Variants in LRP1B observed in about 807,000 individuals in gnomAD.
The protein encoded by LRP1B is LDL receptor related protein 1B.
In LRP1B, 217 loss-of-function variants were observed where a neutral mutation model predicts 556.6. The ratio of observed to expected loss-of-function variants is 0.39; its 90% CI spans 0.35 to 0.44. The LOEUF (loss-of-function observed/expected upper bound fraction) is 0.44. LRP1B is among the 20% of genes least tolerant of loss of function. LRP1B has a pLI of 1.00. For synonymous variants in LRP1B, 2,047 were observed against 1,865.8 expected (o/e 1.10, Z -2.50); for missense variants, 5,053 against 5,620.8 (o/e 0.90, Z 3.23).
intron 3 of LRP1B, 170 bp downstream of exon 3, chr2:141,480,226 T>C (rs958236975): frequency 5.8e-6 from 4 of 689,884 alleles, no homozygotes; most frequent in Non-Finnish European, 1.0e-5. Flanking sequence ...TCAAACATAA[T>C]ACTTGCAGCT....
intron 29 of LRP1B, among the ~76,000 whole-genome samples, chr2:140,842,398 T>C (rs529643117): frequency 5.9e-5 from 9 of 152,318 alleles, no homozygotes; most frequent in Non-Finnish European, 1.2e-4. Context: ...AAAATCCTTT[T>C]AGTATTTCTA....
intron 83 of LRP1B, 66 bp downstream of exon 83, chr2:140,314,869 C>T (rs2105035829): frequency 3.5e-6 from 4 of 1,151,930 alleles, no homozygotes; most frequent in Non-Finnish European, 4.9e-6. Flanking sequence ...TAACATTAAG[C>T]ATTTTCGATT....
At chr2:140,513,634 AATAT>A (rs371958459) in intron 51 of LRP1B, among the ~76,000 whole-genome samples, 108,091 of 151,266 alleles carry the variant, frequency 0.71, 39,144 homozygotes, top group Middle Eastern at 0.83. Flanking sequence ...TACTTTCAAG[AATAT>A]CTCCAATTTC....
In LRP1B at chr2:142,122,772, G is replaced by GA. The variant is rs1707502579; in HGVS notation, c.82+7875dup. On this transcript the variant is annotated intron_variant, in intron 1 of 90. Coordinates refer to ENST00000389484, the MANE Select transcript of LRP1B (RefSeq NM_018557.3). ...CACTGTACTTCCAGATCTTAGTCAT[G>GA]AAAAAAATGCCTTAAAAGTTAATAG... 4.0e-5 allele frequency among the ~76,000 whole-genome samples: 6 copies of GA among 151,756 alleles called. No homozygotes were observed. In the South Asian group the frequency reaches 1.2e-3, roughly 31 times the overall value.
intron 37 of LRP1B, among the ~76,000 whole-genome samples, chr2:140,711,469 T>C (rs1033275498): frequency 2.0e-5 from 3 of 152,068 alleles, no homozygotes; most frequent in Non-Finnish European, 4.4e-5. Context: ...CTTGCAGGCC[T>C]CACCGCCTGA....
intron 7 of LRP1B, among the ~76,000 whole-genome samples, chr2:141,147,200 C>T (rs757573353): frequency 5.3e-5 from 8 of 152,060 alleles, no homozygotes; most frequent in Non-Finnish European, 8.8e-5. Flanking sequence ...CTCCTCTTGC[C>T]CTTTAGGCTT....
intron 1 of LRP1B, among the ~76,000 whole-genome samples, chr2:142,055,132 A>G (rs1704618618): frequency 6.6e-6 from 1 of 152,130 alleles, no homozygotes; most frequent in South Asian, 2.1e-4. Context: ...TTTTTCTCCC[A>G]TTATGGAGCT....
chr2:141,454,614 T>G (rs1681559344), intron 3 of LRP1B, among the ~76,000 whole-genome samples: 2 of 152,350 alleles, frequency 1.3e-5, no homozygotes, highest in East Asian at 1.9e-4. Context: ...TTTACCTACA[T>G]ATTTACTAAT....
intron 6 of LRP1B, 25 bp downstream of exon 6, chr2:141,229,158 T>C: frequency 1.9e-6 from 3 of 1,609,192 alleles, no homozygotes; most frequent in Non-Finnish European, 2.5e-6. Flanking sequence ...AAGGGTGGCA[T>C]ATAATATTTA....
chr2:141,167,094 T>G (rs1181119241), intron 7 of LRP1B, among the ~76,000 whole-genome samples: 1 of 151,940 alleles, frequency 6.6e-6, no homozygotes, highest in East Asian at 1.9e-4. Flanking sequence ...GATTAACTTT[T>G]AAACTTTTAT....
intron 2 of LRP1B, among the ~76,000 whole-genome samples, chr2:141,782,637 A>T (rs1193716698): frequency 1.3e-5 from 2 of 151,400 alleles, no homozygotes; most frequent in Non-Finnish European, 2.9e-5. Context: ...GACACTGATC[A>T]TATAGGGTTT....
intron 44 of LRP1B, among the ~76,000 whole-genome samples, chr2:140,541,371 T>G (rs1038900271): frequency 6.6e-6 from 1 of 152,114 alleles, no homozygotes; most frequent in African/African-American, 2.4e-5. Context: ...AACTGTAATT[T>G]TGTAAGCACT....
At chr2:140,331,093 A>G in intron 79 of LRP1B, among the ~76,000 whole-genome samples, 1 of 152,156 alleles carries the variant, frequency 6.6e-6, no homozygotes, top group Non-Finnish European at 1.5e-5. Flanking sequence ...AAGAATATAA[A>G]TAATTCTATT....
intron 2 of LRP1B, among the ~76,000 whole-genome samples, chr2:141,490,384 T>TGTGC (rs1553520864): frequency 2.7e-5 from 4 of 149,806 alleles, no homozygotes; most frequent in Non-Finnish European, 3.0e-5. Flanking sequence ...TGTGTGTGTG[T>TGTGC]GTGTGTGTGT....
chr2:141,527,111 T>C (rs940790763), intron 2 of LRP1B, among the ~76,000 whole-genome samples: 1 of 152,044 alleles, frequency 6.6e-6, no homozygotes, highest in Admixed American at 6.6e-5. Flanking sequence ...TTCTGTTTTG[T>C]TTTGTTTTGT....
At chr2:140,973,057 T>TAC (rs1043078459) in intron 18 of LRP1B, among the ~76,000 whole-genome samples, 4 of 22,834 alleles carry the variant, frequency 1.8e-4, no homozygotes, top group East Asian at 7.2e-4. Flanking sequence ...TCATTTTATA[T>TAC]ATATATATAT....
intron 62 of LRP1B, among the ~76,000 whole-genome samples, chr2:140,454,703 G>T (rs1444691731): frequency 6.6e-6 from 1 of 152,072 alleles, no homozygotes; most frequent in Non-Finnish European, 1.5e-5. Flanking sequence ...GGTGAGTTAG[G>T]TTTTCATTTA....
At chr2:141,902,650 G>A (rs1699653724) in intron 1 of LRP1B, among the ~76,000 whole-genome samples, 1 of 151,998 alleles carries the variant, frequency 6.6e-6, no homozygotes, top group African/African-American at 2.4e-5. Context: ...TGCGCTTGAA[G>A]GAAGCTAGAA....
At chr2:140,887,428 C>T (rs1978637) in intron 23 of LRP1B, among the ~76,000 whole-genome samples, 127,549 of 152,084 alleles carry the variant, frequency 0.84, 53,894 homozygotes, top group Non-Finnish European at 0.89. Flanking sequence ...AAAATCTAGT[C>T]CTCCCAGAGC....
Sources: allele counts gnomAD v4.1 joint callset (sites outside exome capture counted in the v4.1 genomes callset), GRCh38; gene constraint gnomAD v4.1.1; transcripts MANE v1.5; gene names NCBI Gene and HGNC (gene_info 2026-07-23, HGNC 2026-07-21).